The following ATIC variants were observed in gnomAD, a reference collection of about 807,000 sequenced individuals.
ATIC encodes the protein bifunctional purine biosynthesis protein ATIC.
ATIC carries 64 observed loss-of-function variants against 72.5 expected under a neutral mutation model. That is an observed-to-expected ratio of 0.88 (90% CI 0.72 to 1.09). ATIC has a LOEUF of 1.09. Among genes scored for constraint, ATIC ranks in the 50% least tolerant of loss-of-function variants. The pLI is 0.00. For missense variants in ATIC, 787 were observed against 732.4 expected (o/e 1.07, Z -0.86); for synonymous variants, 281 against 267.1 (o/e 1.05, Z -0.51).
At chr2:215,352,756 A>C (rs1575129112), downstream of ATIC, among the ~76,000 whole-genome samples, 1 of 84,680 alleles carries the variant, frequency 1.2e-5, no homozygotes, top group African/African-American at 3.5e-5. Context: ...TGATTGTGCA[A>C]CCCAAGCCTG....
chr2:215,319,546 A>T (rs1575113832), intron 3 of ATIC, 119 bp from the exon 4 acceptor site: 1 of 801,722 alleles, frequency 1.2e-6, no homozygotes, highest in East Asian at 2.6e-5. Flanking sequence ...ATCTCAAAAA[A>T]ATAAATTTTT....
At chr2:215,318,778 C>G (rs1041217010) in intron 3 of ATIC, among the ~76,000 whole-genome samples, 12 of 152,110 alleles carry the variant, frequency 7.9e-5, no homozygotes, top group Non-Finnish European at 1.6e-4. Flanking sequence ...ATAGACTGTT[C>G]TGGAACTAGC....
At chr2:215,360,998 T>C in the ATIC span, 1 of 157,236 alleles carries the variant, frequency 6.4e-6, no homozygotes, top group Non-Finnish European at 1.4e-5. Flanking sequence ...GTGTTTTCAA[T>C]ACAATTTTTT....
chr2:215,326,412 C>A (rs2052826620), intron 6 of ATIC, among the ~76,000 whole-genome samples: 2 of 152,130 alleles, frequency 1.3e-5, no homozygotes, highest in South Asian at 4.2e-4. Flanking sequence ...TGAGACCAGC[C>A]TGGCCAATGT....
At chr2:215,321,096 A>G (rs2052761850) in intron 4 of ATIC, among the ~76,000 whole-genome samples, 1 of 152,164 alleles carries the variant, frequency 6.6e-6, no homozygotes, top group Non-Finnish European at 1.5e-5. Flanking sequence ...AAACATATTC[A>G]TCACCCCCAC....
the ATIC span, chr2:215,367,978 G>A: frequency 2.5e-6 from 4 of 1,614,220 alleles, 1 homozygote; most frequent in South Asian, 3.3e-5. Context: ...GGGAAACTGT[G>A]TAGGGGTCAA....
intron 6 of ATIC, among the ~76,000 whole-genome samples, chr2:215,326,473 G>GGT: frequency 6.6e-6 from 1 of 152,112 alleles, no homozygotes; most frequent in Non-Finnish European, 1.5e-5. Flanking sequence ...AGTGTGGTGT[G>GGT]GTGTGGTACG....
At chr2:215,354,285 C>A (rs2053151104), downstream of ATIC, among the ~76,000 whole-genome samples, 1 of 152,306 alleles carries the variant, frequency 6.6e-6, no homozygotes, top group Admixed American at 6.5e-5. Context: ...CCGCCTCAGC[C>A]TCCCAAAGTG....
the ATIC span, chr2:215,361,860 TG>T: frequency 3.6e-5 from 51 of 1,401,338 alleles, no homozygotes; most frequent in Admixed American, 2.9e-4. Context: ...ATTTATGAGT[TG>T]TTTTTTTTTT....
chr2:215,318,528 G>A (rs941656788), intron 3 of ATIC, among the ~76,000 whole-genome samples: 2 of 152,080 alleles, frequency 1.3e-5, no homozygotes, highest in Non-Finnish European at 1.5e-5. Context: ...AGATTTCATC[G>A]TATGAAAATA....
At chr2:215,314,294 T>C (rs930339503) in intron 2 of ATIC, among the ~76,000 whole-genome samples, 2 of 152,212 alleles carry the variant, frequency 1.3e-5, no homozygotes, top group African/African-American at 2.4e-5. Context: ...CTTGGAGCAA[T>C]TGTTTTTTCT....
chr2:215,341,051 C>G (rs187550487), intron 12 of ATIC, among the ~76,000 whole-genome samples: 30 of 152,248 alleles, frequency 2.0e-4, no homozygotes, highest in African/African-American at 7.2e-4. Context: ...AATCCTGAGG[C>G]CTTTTCAGTA....
In ATIC at chr2:215,333,477, T is replaced by G; in HGVS notation, c.922+20T>G. The G allele has an allele frequency of 1.9e-6, 3 of 1,600,248 alleles. No individual in the cohort carries two copies. Among genetic ancestry groups the G allele is most frequent in the Non-Finnish European group, 2.6e-6 (3 of 1,168,138 alleles). On this transcript the variant is annotated intron_variant, in intron 9 of 15. Transcript: ENST00000236959. ...CAAGAGGTCAGACTCATAGGGCTTT[T>G]TGATTTGGGGGAGAAAGAAAAAGCA...
the ATIC span, among the ~76,000 whole-genome samples, chr2:215,358,660 A>T: frequency 6.6e-6 from 1 of 152,244 alleles, no homozygotes; most frequent in African/African-American, 2.4e-5. Flanking sequence ...TTGCATTGTG[A>T]TGCTAAAAGA....
chr2:215,339,144 A>G (rs1271502437), intron 12 of ATIC, among the ~76,000 whole-genome samples: 1 of 143,470 alleles, frequency 7.0e-6, no homozygotes, highest in Non-Finnish European at 1.5e-5. Flanking sequence ...AATTGTGTAT[A>G]AATGGGATCA....
the ATIC span, chr2:215,365,612 C>T: frequency 1.2e-6 from 2 of 1,613,882 alleles, no homozygotes; most frequent in African/African-American, 1.3e-5. Context: ...GTAGTTCACA[C>T]CATTGTCATG....
chr2:215,354,288 C>T (rs551154372), downstream of ATIC, among the ~76,000 whole-genome samples: 21 of 152,266 alleles, frequency 1.4e-4, no homozygotes, highest in South Asian at 3.9e-3. Context: ...CCTCAGCCTC[C>T]CAAAGTGCTG....
intron 1 of ATIC, 92 bp downstream of exon 1, chr2:215,312,253 A>C (rs1001066071): frequency 6.9e-7 from 1 of 1,458,806 alleles, no homozygotes; most frequent in African/African-American, 1.4e-5. Context: ...CCGGCACTGC[A>C]GGGGCGGCGC....
chr2:215,348,253 A>G (rs766762381), intron 14 of ATIC, among the ~76,000 whole-genome samples: 1 of 152,236 alleles, frequency 6.6e-6, no homozygotes, highest in Non-Finnish European at 1.5e-5. Context: ...CTGCCTTTAC[A>G]TTTAGAATAA....
Sources: gnomAD v4.1 joint callset for allele counts (sites outside exome capture counted in the v4.1 genomes callset) on GRCh38, gnomAD v4.1.1 for gene constraint, MANE v1.5 for transcripts, NCBI Gene and HGNC (gene_info 2026-07-23, HGNC 2026-07-21) for gene names.